TRIM37: variants seen among roughly 807,000 people sequenced by gnomAD.
The protein encoded by TRIM37 is E3 ubiquitin-protein ligase TRIM37.
TRIM37 carries 80 observed loss-of-function variants against 129.8 expected under a neutral mutation model. The observed-to-expected ratio is 0.62, with a 90% CI of 0.51 to 0.74. TRIM37 has a LOEUF of 0.74. Ranked by LOEUF, TRIM37 falls within the 30% of genes least tolerant of loss-of-function variation. The pLI is 0.00. For missense variants in TRIM37, 1,054 were observed against 1,176.5 expected, an observed-to-expected ratio of 0.90 and a Z score of 1.52; for synonymous variants, 389 against 387.1, an observed-to-expected ratio of 1.00 and a Z score of -0.06.
intron 22 of TRIM37, 49 bp downstream of exon 22, chr17:59,012,279 G>C (rs747935474): frequency 5.7e-6 from 5 of 873,434 alleles, no homozygotes; most frequent in Admixed American, 2.0e-5. Flanking sequence ...CACCAAAAAA[G>C]GGACAGAATT....
intron 24 of TRIM37, among the ~76,000 whole-genome samples, chr17:58,987,353 G>T (rs1380917478): frequency 6.6e-6 from 1 of 152,174 alleles, no homozygotes; most frequent in African/African-American, 2.4e-5. Flanking sequence ...CCAGTGGGAG[G>T]TGAGCCTATG....
intron 24 of TRIM37, among the ~76,000 whole-genome samples, chr17:58,991,189 A>G (rs934294964): frequency 2.0e-5 from 3 of 151,538 alleles, no homozygotes; most frequent in Non-Finnish European, 4.4e-5. Flanking sequence ...AAAAAAAAAA[A>G]AAAAGAAAAA....
chr17:58,971,822 A>C, the TRIM37 span, among the ~76,000 whole-genome samples: 1 of 152,250 alleles, frequency 6.6e-6, no homozygotes, highest in Admixed American at 6.5e-5. Flanking sequence ...TCTGTCTTAT[A>C]TACTAATAGT....
At chr17:59,095,443 A>T (rs1411779682) in intron 2 of TRIM37, among the ~76,000 whole-genome samples, 1 of 152,142 alleles carries the variant, frequency 6.6e-6, no homozygotes, top group Non-Finnish European at 1.5e-5. Flanking sequence ...GCCAAGTTAG[A>T]ATGGGTTGAA....
At chr17:58,970,258 A>G in the TRIM37 span, among the ~76,000 whole-genome samples, 1 of 152,184 alleles carries the variant, frequency 6.6e-6, no homozygotes, top group East Asian at 1.9e-4. Context: ...AGAAAAGAAG[A>G]GCTCATGTCC....
intron 21 of TRIM37, 61 bp downstream of exon 21, chr17:59,015,549 A>C: frequency 6.5e-7 from 1 of 1,542,704 alleles, no homozygotes; most frequent in East Asian, 2.2e-5. Flanking sequence ...ATGCATACTT[A>C]AAGTTCCAAA....
intron 4 of TRIM37, chr17:59,087,978 T>C (rs905393071): frequency 1.3e-5 from 7 of 534,328 alleles, no homozygotes; most frequent in Admixed American, 3.4e-5. Flanking sequence ...TATCACTGTG[T>C]CCCCATTAAA....
chr17:59,055,187 T>C (rs559082525), intron 13 of TRIM37, among the ~76,000 whole-genome samples: 1 of 151,012 alleles, frequency 6.6e-6, no homozygotes, highest in African/African-American at 2.4e-5. Context: ...AAGTACAAAA[T>C]TAGCCAGGCA....
chr17:59,048,303 C>T (rs2040012123), intron 15 of TRIM37, among the ~76,000 whole-genome samples: 1 of 152,170 alleles, frequency 6.6e-6, no homozygotes, highest in African/African-American at 2.4e-5. Context: ...ATTCCAAACC[C>T]TATTATCTCT....
intron 5 of TRIM37, among the ~76,000 whole-genome samples, chr17:59,081,958 AAAAAAAAATAAT>A (rs2043322744): frequency 2.4e-5 from 3 of 125,050 alleles, no homozygotes; most frequent in Non-Finnish European, 5.0e-5. Context: ...AAAAATAAAA[AAAAAAAAATAAT>A]AATAATAATA....
intron 4 of TRIM37, 84 bp from the exon 5 acceptor site, chr17:59,084,173 G>T: frequency 1.9e-6 from 2 of 1,049,076 alleles, no homozygotes; most frequent in Admixed American, 1.9e-5. Context: ...GGGCAAACAG[G>T]TCAGTTTTAA....
At chr17:59,097,541 A>C (rs1400339144) in intron 2 of TRIM37, among the ~76,000 whole-genome samples, 5 of 152,110 alleles carry the variant, frequency 3.3e-5, no homozygotes, top group African/African-American at 1.2e-4. Context: ...AAAAGGAATA[A>C]AATGCTTAGG....
intron 15 of TRIM37, 117 bp from the exon 16 acceptor site, chr17:59,047,936 T>A (rs2039981227): frequency 2.5e-6 from 3 of 1,215,140 alleles, no homozygotes; most frequent in Non-Finnish European, 3.5e-6. Flanking sequence ...AAATCTATTT[T>A]CTGCTCCTGT....
intron 18 of TRIM37, among the ~76,000 whole-genome samples, chr17:59,029,412 C>T (rs935253838): frequency 6.6e-6 from 1 of 152,160 alleles, no homozygotes. Flanking sequence ...GGCTAGCATG[C>T]AAGTCCTTTC....
chr17:59,010,420 T>C (rs897265615), intron 22 of TRIM37, among the ~76,000 whole-genome samples: 2 of 152,188 alleles, frequency 1.3e-5, no homozygotes, highest in Non-Finnish European at 2.9e-5. Flanking sequence ...AGTTCAGGAA[T>C]TTTATCACTG....
downstream of TRIM37, chr17:58,980,862 T>C (rs1316181243): frequency 2.5e-6 from 4 of 1,614,090 alleles, no homozygotes; most frequent in Admixed American, 5.0e-5. This position sits in a 1 kb window ranked among gnomAD's most constrained non-coding sequence, Gnocchi z 4.7. Context: ...TCCCACAAAA[T>C]AGGCACTAGC....
chr17:59,063,935 C>G (rs758395777), intron 10 of TRIM37, among the ~76,000 whole-genome samples: 26 of 152,092 alleles, frequency 1.7e-4, no homozygotes, highest in Non-Finnish European at 2.6e-4. Flanking sequence ...GGGAGAATTA[C>G]TGGAGCCCAG....
chr17:59,077,011 C>T (rs748478283), intron 7 of TRIM37, among the ~76,000 whole-genome samples: 70 of 152,278 alleles, frequency 4.6e-4, no homozygotes, highest in Non-Finnish European at 7.2e-4. Context: ...TGGTCTCAAA[C>T]TCCCAACCTC....
At chr17:58,978,511 C>T (rs980425006), downstream of TRIM37, among the ~76,000 whole-genome samples, 4 of 151,908 alleles carry the variant, frequency 2.6e-5, no homozygotes, top group Admixed American at 6.6e-5. Flanking sequence ...AGGAGTTCGA[C>T]GCCAGCCTGG....
Sources: allele counts gnomAD v4.1 joint callset (sites outside exome capture counted in the v4.1 genomes callset), GRCh38; gene constraint gnomAD v4.1.1; non-coding constraint Gnocchi (gnomAD v3.1); transcripts MANE v1.5; gene names NCBI Gene and HGNC (gene_info 2026-07-23, HGNC 2026-07-21).